The following DNMT1 variants were observed in gnomAD, a reference collection of about 807,000 sequenced individuals.
DNMT1 encodes DNA (cytosine-5)-methyltransferase 1.
DNMT1 carries 24 observed loss-of-function variants against 205.3 expected under a neutral mutation model. The observed-to-expected ratio is 0.12, with a 90% CI of 0.08 to 0.16. The LOEUF is 0.16. DNMT1 is among the 10% of genes least tolerant of loss of function. The pLI is 1.00. For missense variants in DNMT1, 1,293 were observed against 2,177.7 expected, an observed-to-expected ratio of 0.59 and a Z score of 8.09; for synonymous variants, 817 against 839.8, an observed-to-expected ratio of 0.97 and a Z score of 0.47.
In DNMT1 at chr19:10,148,995, A is replaced by C. The variant is rs768517249; in HGVS notation, c.2609T>G (p.Leu870Arg). 2.5e-6 allele frequency: 4 copies of C among 1,614,116 alleles called. No homozygotes were observed. In the South Asian group the frequency reaches 3.3e-5, roughly 13 times the overall value. ...AMEGGMDPES[L>R]LEGDDGKTYF... is the part of the protein sequence containing the mutation. ...GGTCTTCCCGTCGTCCCCCTCCAGC[A>C]GGGACTCGGGATCCATGCCTCCCTT... Residue 870 changes from leucine to arginine, a missense_variant, in exon 27 of 41, where the codon CTG becomes CGG. Coordinates refer to ENST00000359526, the MANE Select transcript of DNMT1 (RefSeq NM_001130823.3).
chr19:10,142,643 G>A (rs2089623620), intron 29 of DNMT1, among the ~76,000 whole-genome samples: 1 of 150,606 alleles, frequency 6.6e-6, no homozygotes, highest in Non-Finnish European at 1.5e-5. Context: ...GGAACCGCAG[G>A]GTAAAGACCC....
intron 1 of DNMT1, chr19:10,194,517 G>A (rs2039365338): frequency 3.5e-6 from 1 of 284,568 alleles, no homozygotes; most frequent in Non-Finnish European, 6.7e-6. Flanking sequence ...TGAAGAAGGG[G>A]ACCCCGGAAA....
chr19:10,162,872 T>A, intron 12 of DNMT1, 124 bp from the exon 13 acceptor site: 1 of 1,013,912 alleles, frequency 9.9e-7, no homozygotes, highest in Non-Finnish European at 1.5e-6. Flanking sequence ...GGGAGCTCTA[T>A]AGGCACACTG....
chr19:10,162,567 G>T, intron 13 of DNMT1, 100 bp downstream of exon 13: 2 of 1,313,860 alleles, frequency 1.5e-6, no homozygotes, highest in Non-Finnish European at 2.1e-6. Flanking sequence ...ACCACGCCCA[G>T]TCTTCTTTTT....
chr19:10,181,644 C>T (rs2039048560), intron 2 of DNMT1, among the ~76,000 whole-genome samples: 1 of 151,344 alleles, frequency 6.6e-6, no homozygotes, highest in African/African-American at 2.4e-5. Context: ...GTCTGGCCAA[C>T]ATGGTGAAAC....
At chr19:10,136,728 G>A (rs1177435220) in intron 37 of DNMT1, among the ~76,000 whole-genome samples, 1 of 151,082 alleles carries the variant, frequency 6.6e-6, no homozygotes, top group East Asian at 2.0e-4. Context: ...GAGCCATCGT[G>A]CCTGACCTGC....
intron 9 of DNMT1, among the ~76,000 whole-genome samples, chr19:10,169,081 T>C (rs566174498): frequency 6.6e-6 from 1 of 152,168 alleles, no homozygotes; most frequent in Non-Finnish European, 1.5e-5. Flanking sequence ...CCGTCTGCCT[T>C]GGTCTCCCAA....
In DNMT1 at chr19:10,137,913, G is replaced by A. The variant is rs752490174; in HGVS notation, c.4212C>T (p.Tyr1404=). The part of the protein sequence containing the change: ...RNGASALEIS[Y]NGEPQSWFQR... ...GGAACCAGGACTGAGGCTCCCCGTT[G>A]TAGGAGATCTCCAGTGCCGAGGCTC... The change falls in exon 36 of 41, where the codon TAC becomes TAT. Residue 1404 remains tyrosine (Y), a synonymous_variant. Transcript: ENST00000359526. This position sits in a 1 kb window ranked among gnomAD's most constrained non-coding sequence, Gnocchi z 6.4. 1.9e-6 allele frequency: 3 copies of A among 1,613,112 alleles called. No homozygotes were observed. Among genetic ancestry groups the A allele is most frequent in the Admixed American group, 3.3e-5 (2 of 59,920 alleles).
intron 39 of DNMT1, 146 bp from the exon 40 acceptor site, chr19:10,134,453 C>A (rs1367880860): frequency 1.0e-5 from 7 of 689,298 alleles, no homozygotes; most frequent in Non-Finnish European, 1.7e-5. Flanking sequence ...TCACATGGGC[C>A]CAAAACCCTT....
chr19:10,136,278 G>A lies in DNMT1; in HGVS notation c.4499C>T (p.Ala1500Val). 6.2e-7 allele frequency: 1 copy of A among 1,613,954 alleles called. No individual in the cohort carries two copies. Among genetic ancestry groups the A allele is most frequent in the South Asian group, 1.1e-5 (1 of 91,072 alleles). Residue 1500 changes from alanine to valine, a missense_variant, in exon 38 of 41, where the codon GCC becomes GTC. Ala to Val is a moderately conservative substitution (Grantham distance 64). Coordinates refer to ENST00000359526, the MANE Select transcript of DNMT1 (RefSeq NM_001130823.3). Reference sequence around the variant, plus strand: ...GAACTGCCTGGCTGCGGGGTCGCAGGCTTTGCCGGCTGGAAGACAGGACAG... The same window carrying A: ...GAACTGCCTGGCTGCGGGGTCGCAGACTTTGCCGGCTGGAAGACAGGACAG... ...GVCSCVEAGK[A>V]CDPAARQFNT...
intron 12 of DNMT1, chr19:10,163,064 T>C (rs1407295490): frequency 3.6e-6 from 2 of 555,494 alleles, no homozygotes. Flanking sequence ...TCCTGGCTTC[T>C]AGCAGTTCTG....
In DNMT1 at chr19:10,137,578, G is replaced by A; in HGVS notation, c.4293+254C>T. 5 of 647,708 alleles carry A rather than the reference G, an allele frequency of 7.7e-6. No individual in the cohort carries two copies. Among genetic ancestry groups the A allele is most frequent in the South Asian group, 7.6e-5 (4 of 52,568 alleles). The allele number at this position is 647,708 out of a possible 1,614,324, so 40.1% of individuals were successfully genotyped here. A position where few individuals can be genotyped will look rare whatever the true frequency, so the allele number is the denominator to read the frequency against. ...CATCCTGGGAAAACATGCGGGGAGAGGCAGCAAGGGGGAAGGCAGTGGTGG... is the reference window on the plus strand; with the variant it reads ...CATCCTGGGAAAACATGCGGGGAGAAGCAGCAAGGGGGAAGGCAGTGGTGG... On this transcript the variant is annotated intron_variant, in intron 36 of 40. Coordinates refer to ENST00000359526, the MANE Select transcript of DNMT1 (RefSeq NM_001130823.3). The surrounding 1 kb of genome is among the most constrained non-coding windows in gnomAD (Gnocchi z 6.4).
At chr19:10,166,910 T>C (rs1381807997) in intron 10 of DNMT1, among the ~76,000 whole-genome samples, 3 of 152,170 alleles carry the variant, frequency 2.0e-5, no homozygotes, top group Non-Finnish European at 4.4e-5. Context: ...GAGATGCCAG[T>C]GGTTTAATAC....
In DNMT1 at chr19:10,156,291, C is replaced by T; in HGVS notation, c.1399+100G>A. The stretch of plus-strand genomic sequence containing the variant: ...CAAACTCCCGGGCTCAAGTGATCCT[C>T]TGGCCTCAGACCCCCAAAGTGCTAG... On this transcript the variant is annotated intron_variant, in intron 18 of 40. Transcript: ENST00000359526. The surrounding 1 kb of genome is among the most constrained non-coding windows in gnomAD (Gnocchi z 4.2). 2.1e-6 allele frequency: 2 copies of T among 951,502 alleles called. No homozygotes were observed. Among genetic ancestry groups the T allele is most frequent in the Admixed American group, 3.4e-5 (2 of 58,296 alleles). The allele number at this position is 951,502 out of a possible 1,614,324, so 58.9% of individuals were successfully genotyped here.
rs1250715148 is a variant in DNMT1, at chr19:10,159,815, G to T, written c.1170+27C>A. 6 of 1,614,112 alleles carry T rather than the reference G, an allele frequency of 3.7e-6. No individual in the cohort carries two copies. The highest frequency in any genetic ancestry group is 4.2e-6 in the Non-Finnish European group (5 of 1,180,048). On this transcript the variant is annotated intron_variant, in intron 16 of 40. Coordinates refer to ENST00000359526, the MANE Select transcript of DNMT1 (RefSeq NM_001130823.3). This position sits in a 1 kb window ranked among gnomAD's most constrained non-coding sequence, Gnocchi z 5.0. Reference sequence around the variant, plus strand: ...GCAGTGGGACAAGGGACAGGCAGAGGAAGGCTGGGAAGAGAGCTGTACGTA... The same window carrying T: ...GCAGTGGGACAAGGGACAGGCAGAGTAAGGCTGGGAAGAGAGCTGTACGTA...
chr19:10,169,391 A>AT (rs2038764240), intron 9 of DNMT1, among the ~76,000 whole-genome samples: 1 of 148,890 alleles, frequency 6.7e-6, no homozygotes, highest in African/African-American at 2.5e-5. Flanking sequence ...AAATACAAAA[A>AT]AAAAAAAAAA....
chr19:10,137,377 G>A lies in DNMT1; in HGVS notation c.4294-97C>T. ...CTGGGAACACCATGGTGACCAGGAA[G>A]CCCCCTGGGGCTCACGCCCATCGGG... On this transcript the variant is annotated intron_variant, in intron 36 of 40. Coordinates refer to ENST00000359526, the MANE Select transcript of DNMT1 (RefSeq NM_001130823.3). This position sits in a 1 kb window ranked among gnomAD's most constrained non-coding sequence, Gnocchi z 6.4. 7.0e-7 allele frequency: 1 copy of A among 1,432,146 alleles called. No homozygotes were observed. Among genetic ancestry groups the A allele is most frequent in the Non-Finnish European group, 9.5e-7 (1 of 1,055,406 alleles). The allele number at this position is 1,432,146 out of a possible 1,614,324, so 88.7% of individuals were successfully genotyped here.
At chr19:10,134,364 G>A (rs909026693) in intron 39 of DNMT1, 57 bp from the exon 40 acceptor site, 66 of 1,538,116 alleles carry the variant, frequency 4.3e-5, no homozygotes, top group Non-Finnish European at 5.6e-5. Flanking sequence ...AAGGCCCGGG[G>A]GCAGGTGTAC....
chr19:10,180,204 T>A lies in DNMT1; in HGVS notation c.476A>T (p.Gln159Leu). The change falls in exon 5 of 41, where the codon CAA becomes CTA. Residue 159 changes from glutamine (Q) to leucine (L), a missense_variant. Gln to Leu is a moderately radical substitution (Grantham distance 113). Around this residue, in one of 13 missense-constraint regions of DNMT1, gnomAD observed 394 missense variants for 451.6 expected, o/e 0.87. Transcript: ENST00000359526. ...RSRDPPASAS[Q>L]VTGIRAEPSP... ...GCACATACCTCTAATCCCAGTTACT[T>A]GGGAGGCTGAGGCAGGAGGGTCTCT... The A allele has an allele frequency of 1.1e-6, 1 of 946,440 alleles. No homozygotes were observed. The highest frequency in any genetic ancestry group is 1.4e-5 in the South Asian group (1 of 70,890). 58.6% of individuals were successfully genotyped at this position (946,440 alleles called of 1,614,324 possible). A position where few individuals can be genotyped will look rare whatever the true frequency, so the allele number is the denominator to read the frequency against.
Sources: gnomAD v4.1 joint callset for allele counts (sites outside exome capture counted in the v4.1 genomes callset) on GRCh38, gnomAD v4.1.1 for gene constraint, gnomAD v4.1.1 regional missense constraint, Gnocchi (gnomAD v3.1) non-coding constraint, MANE v1.5 for transcripts, NCBI Gene and HGNC (gene_info 2026-07-23, HGNC 2026-07-21) for gene names.